NEB: variants seen among roughly 807,000 people sequenced by gnomAD.
NEB encodes the protein nebulin, also known as nemaline myopathy type 2.
NEB carries 512 observed loss-of-function variants against 952.2 expected under a neutral mutation model. That is an observed-to-expected ratio of 0.54 (90% CI 0.50 to 0.58). NEB has a LOEUF of 0.58. NEB is among the 20% of genes least tolerant of loss of function. The probability of loss-of-function intolerance (pLI) is 0.00; values close to 1 mark genes in which losing one functional copy is unlikely to be tolerated. For synonymous variants in NEB, 2,900 were observed against 3,149.8 expected (o/e 0.92, Z 2.66); for missense variants, 8,428 against 9,231.1 (o/e 0.91, Z 3.56).
intron 27 of NEB, among the ~76,000 whole-genome samples, chr2:151,686,602 C>G (rs1211792727): frequency 6.6e-6 from 1 of 151,874 alleles, no homozygotes; most frequent in East Asian, 1.9e-4. Flanking sequence ...AGAATAGATG[C>G]AAAATGAATT....
chr2:151,535,230 T>C (rs539213959), intron 142 of NEB, among the ~76,000 whole-genome samples: 132 of 152,340 alleles, frequency 8.7e-4, no homozygotes, highest in Non-Finnish European at 1.6e-3. Flanking sequence ...GGCAATATCT[T>C]TGAAGCATGA....
chr2:151,601,258 G>A (rs1282913643), intron 88 of NEB, among the ~76,000 whole-genome samples: 1 of 106,126 alleles, frequency 9.4e-6, no homozygotes, highest in Non-Finnish European at 1.9e-5. Context: ...ACAGGCATCC[G>A]CCACCATGCC....
chr2:151,724,449 G>T, intron 7 of NEB, 85 bp from the exon 8 acceptor site: 1 of 1,033,238 alleles, frequency 9.7e-7, no homozygotes, highest in Non-Finnish European at 1.5e-6. Flanking sequence ...ACTCATGAAG[G>T]CATGCTTGCT....
At chr2:151,556,869 G>A (rs1227119308) in intron 124 of NEB, among the ~76,000 whole-genome samples, 1 of 152,158 alleles carries the variant, frequency 6.6e-6, no homozygotes, top group East Asian at 1.9e-4. Flanking sequence ...TTAAAGCAGT[G>A]TGTAGAGGGA....
chr2:151,626,097 T>C (rs1213991800), intron 70 of NEB, among the ~76,000 whole-genome samples: 1 of 152,012 alleles, frequency 6.6e-6, no homozygotes, highest in African/African-American at 2.4e-5. Flanking sequence ...ATAAATGTTA[T>C]GAAGATTTGC....
chr2:151,491,452 GATA>G (rs1218245712), intron 179 of NEB: 7 of 370,182 alleles, frequency 1.9e-5, no homozygotes, highest in African/African-American at 6.2e-5. Flanking sequence ...AATTAGAAAT[GATA>G]ATAATGGGAG....
chr2:151,549,818 C>T, intron 129 of NEB, 78 bp from the exon 130 acceptor site: 1 of 809,970 alleles, frequency 1.2e-6, no homozygotes, highest in South Asian at 1.5e-5. Flanking sequence ...TCACATATAG[C>T]TCATGTTACA....
intron 48 of NEB, among the ~76,000 whole-genome samples, chr2:151,656,691 T>C (rs75830808): frequency 0.013 from 1,951 of 152,182 alleles, 24 homozygotes; most frequent in Middle Eastern, 0.031. Flanking sequence ...CCTCATTTTA[T>C]AGATGAATAA....
Position 151,640,551 on chromosome 2 carries a change from C to G in NEB, c.8489G>C (p.Arg2830Thr). 1 of 1,613,930 alleles carries G rather than the reference C, an allele frequency of 6.2e-7. No individual in the cohort carries two copies. Among genetic ancestry groups the G allele is most frequent in the Non-Finnish European group, 8.5e-7 (1 of 1,179,862 alleles). Residue 2830 changes from arginine (R) to threonine (T), a missense_variant, in exon 61 of 182, where the codon AGG becomes ACG. By Grantham distance (71) the Arg-to-Thr change is moderately conservative. Around this residue, in one of 11 missense-constraint regions of NEB, gnomAD observed 1,772 missense variants for 1,960.3 expected, o/e 0.90. Transcript: ENST00000397345. ...SMHVAKIQSD[R>T]EYKKDFEKWK... ...CTTCTCAAAGTCCTTCTTGTACTCC[C>G]TGTCACTCTGGATCTTGGCCACGTG...
chr2:151,668,247 T>C (rs1209036359), intron 39 of NEB, among the ~76,000 whole-genome samples: 2 of 152,144 alleles, frequency 1.3e-5, no homozygotes, highest in African/African-American at 4.8e-5. Context: ...ATAATAAATA[T>C]ATAATACTTT....
rs1192073133 is a variant in NEB, at chr2:151,490,050, A to C, written c.25325T>G (p.Leu8442Arg). The C allele has an allele frequency of 1.2e-6, 2 of 1,611,442 alleles. No individual in the cohort carries two copies. The highest frequency in any genetic ancestry group is 2.2e-5 in the South Asian group (2 of 90,250). ...TAYKHAKTTE[L>R]PQQRSSSVAT... ...AACTGAAGATGATCGTTGTTGTGGGAGCTCTGTGGTTTTTGCATGTTTGTA... is the reference window on the plus strand; with the variant it reads ...AACTGAAGATGATCGTTGTTGTGGGCGCTCTGTGGTTTTTGCATGTTTGTA... The change falls in exon 181 of 182, where the codon CTC becomes CGC. Residue 8442 changes from leucine (L) to arginine (R), a missense_variant. Physicochemically the swap from Leu to Arg is moderately radical, Grantham distance 102. Coordinates refer to ENST00000397345, the MANE Select transcript of NEB (RefSeq NM_001164508.2).
intron 135 of NEB, among the ~76,000 whole-genome samples, chr2:151,541,936 T>G (rs921134251): frequency 6.6e-6 from 1 of 152,190 alleles, no homozygotes; most frequent in African/African-American, 2.4e-5. Flanking sequence ...ATTAAGCCTT[T>G]TCCAGTCTCT....
At chr2:151,519,570 G>T in intron 154 of NEB, 88 bp downstream of exon 154, 3 of 943,500 alleles carry the variant, frequency 3.2e-6, no homozygotes, top group Non-Finnish European at 5.0e-6. Flanking sequence ...TATTGTGAGT[G>T]TTATAAATGC....
chr2:151,488,262 A>G (rs967310794), intron 181 of NEB, among the ~76,000 whole-genome samples: 7 of 152,150 alleles, frequency 4.6e-5, no homozygotes, highest in Non-Finnish European at 7.4e-5. Flanking sequence ...TATTTGTTAT[A>G]GAAACATTTA....
Position 151,541,448 on chromosome 2 carries a change from T to C in NEB, c.20681A>G (p.Gln6894Arg). 6.2e-7 allele frequency: 1 copy of C among 1,610,418 alleles called. No homozygotes were observed. The highest frequency in any genetic ancestry group is 1.7e-4 in the Middle Eastern group (1 of 6,032). Residue 6894 changes from glutamine (Q) to arginine (R), a missense_variant and splice_region_variant, in exon 136 of 182, where the codon CAG becomes CGG. Physicochemically the swap from Gln to Arg is conservative, Grantham distance 43. Around this residue, in one of 11 missense-constraint regions of NEB, gnomAD observed 3,374 missense variants for 3,651.5 expected, o/e 0.92. Transcript: ENST00000397345. ...AGGCTTATGAACCTCTGAGCTTACC[T>C]GACTCTGAAGCTTCTGCCCTCGCTT... ...RAKRGQKLQS[Q>R]YLYVELATKE...
chr2:151,562,373 G>A (rs539828580), intron 120 of NEB, among the ~76,000 whole-genome samples, 159 bp from the exon 121 acceptor site: 3 of 152,300 alleles, frequency 2.0e-5, no homozygotes, highest in Non-Finnish European at 4.4e-5. Flanking sequence ...GCCTAAAGAA[G>A]CTTGAGAGCA....
rs776986554 is a variant in NEB at position 151,485,524 on chromosome 2, A to C, written c.*236T>G. The C allele has an allele frequency of 2.7e-6, 1 of 373,824 alleles. No homozygotes were observed. The highest frequency in any genetic ancestry group is 4.8e-6 in the Non-Finnish European group (1 of 210,366). 23.2% of individuals were successfully genotyped at this position (373,824 alleles called of 1,614,324 possible). A position where few individuals can be genotyped will look rare whatever the true frequency, so the allele number is the denominator to read the frequency against. ...TTTAGAAAAGAAATAATGTTAAAAC[A>C]TGTTTATAATGGAGAAAGACTCTAG... is the stretch of plus-strand genomic sequence containing the variant. On this transcript the variant is annotated 3_prime_UTR_variant, in exon 182 of 182. Transcript: ENST00000397345.
chr2:151,658,176 C>G (rs1215653941), intron 47 of NEB, 86 bp from the exon 48 acceptor site: 1 of 964,880 alleles, frequency 1.0e-6, no homozygotes, highest in Admixed American at 2.9e-5. Flanking sequence ...ACTGTGGCGT[C>G]TTTTTTTTTG....
chr2:151,555,886 C>A (rs972594921), intron 124 of NEB, among the ~76,000 whole-genome samples: 3 of 133,998 alleles, frequency 2.2e-5, no homozygotes, highest in South Asian at 2.3e-4. Flanking sequence ...AAAAAAAAAA[C>A]ACATACACAC....
Sources: allele counts gnomAD v4.1 joint callset (sites outside exome capture counted in the v4.1 genomes callset), GRCh38; gene constraint gnomAD v4.1.1; regional missense constraint gnomAD v4.1.1; transcripts MANE v1.5; gene names NCBI Gene and HGNC (gene_info 2026-07-23, HGNC 2026-07-21).